KIAA1217: variants seen among roughly 807,000 people sequenced by gnomAD.
KIAA1217 encodes the protein KIAA1217.
In KIAA1217, 88 loss-of-function variants were observed where a neutral mutation model predicts 163.9. That is an observed-to-expected ratio of 0.54 (90% CI 0.45 to 0.64). The LOEUF (loss-of-function observed/expected upper bound fraction) is 0.64, where lower values mean the gene tolerates loss of function less well. Among genes scored for constraint, KIAA1217 ranks in the 30% least tolerant of loss-of-function variants. The pLI, the probability that KIAA1217 is intolerant of heterozygous loss-of-function variation, is 0.00. For synonymous variants in KIAA1217, 903 were observed against 923.1 expected (o/e 0.98, Z 0.39); for missense variants, 2,372 against 2,475.0 (o/e 0.96, Z 0.88).
chr10:23,873,780 A>C, intron 1 of KIAA1217, among the ~76,000 whole-genome samples: 1 of 151,916 alleles, frequency 6.6e-6, no homozygotes, highest in Admixed American at 6.6e-5. Flanking sequence ...ACTTTAGGTA[A>C]GTGCAGAGTA....
chr10:24,543,498 G>C lies in KIAA1217; in HGVS notation c.4228G>C (p.Asp1410His). The C allele has an allele frequency of 6.2e-7, 1 of 1,614,112 alleles. No homozygotes were observed. Among genetic ancestry groups the C allele is most frequent in the East Asian group, 2.2e-5 (1 of 44,880 alleles). The change falls in exon 19 of 21, where the codon GAC (aspartate) becomes CAC (histidine). Residue 1410 changes from aspartate to histidine, a missense_variant. By Grantham distance (81) the Asp-to-His change is moderately conservative. This residue lies in a region of KIAA1217 where 690 missense variants were observed against 677.5 expected (regional missense o/e 1.02). Transcript: ENST00000376454. ...VHDIVSQKGE[D>H]IQTVNIDARK... is the part of the protein sequence containing the mutation. ...TGATATTGTTAGCCAAAAGGGAGAA[G>C]ACATACAGACGGTTAATATCGATGC... is the stretch of plus-strand genomic sequence containing the variant.
chr10:24,348,271 G>C (rs1026638863), intron 2 of KIAA1217, among the ~76,000 whole-genome samples: 6 of 152,120 alleles, frequency 3.9e-5, no homozygotes, highest in Admixed American at 2.0e-4. Flanking sequence ...CTGGGAGGCA[G>C]AAGTTGCAGT....
chr10:24,405,653 G>T (rs1351689394), intron 3 of KIAA1217, among the ~76,000 whole-genome samples: 1 of 152,160 alleles, frequency 6.6e-6, no homozygotes, highest in African/African-American at 2.4e-5. Flanking sequence ...CATTTACTGA[G>T]CATCTGCCCT....
intron 1 of KIAA1217, among the ~76,000 whole-genome samples, chr10:23,845,623 C>G (rs1838988944): frequency 6.6e-6 from 1 of 152,024 alleles, no homozygotes; most frequent in South Asian, 2.1e-4. Flanking sequence ...TTTGTAGATT[C>G]TGGATATTAG....
chr10:24,368,816 C>A (rs754064671), intron 2 of KIAA1217: 1 of 981,732 alleles, frequency 1.0e-6, no homozygotes, highest in South Asian at 4.7e-5. Flanking sequence ...TCTAGAATCA[C>A]CCTACTGAGA....
In KIAA1217 at chr10:24,473,476, C is replaced by T. The variant is rs766384876; in HGVS notation, c.1095C>T (p.Ser365=). Reference sequence around the variant, plus strand: ...CCAGACCCATCTCTCCAAGCCCAAGCGCCATTTTAGAAAGAAGAGATGTCA... The same window carrying T: ...CCAGACCCATCTCTCCAAGCCCAAGTGCCATTTTAGAAAGAAGAGATGTCA... The part of the protein sequence containing the change: ...PVSRPISPSP[S]AILERRDVKP... The change falls in exon 6 of 21, where the codon AGC becomes AGT. Residue 365 remains serine, a synonymous_variant. Coordinates refer to ENST00000376454, the MANE Select transcript of KIAA1217 (RefSeq NM_019590.5). The T allele has an allele frequency of 3.0e-5, 48 of 1,614,012 alleles. No homozygotes were observed. The highest frequency in any genetic ancestry group is 1.1e-4 in the East Asian group (5 of 44,888).
intron 2 of KIAA1217, among the ~76,000 whole-genome samples, chr10:24,321,910 T>C (rs191387134): frequency 9.0e-4 from 137 of 152,124 alleles, no homozygotes; most frequent in African/African-American, 3.1e-3. Flanking sequence ...AATGGCTAGG[T>C]TGGTACATTT....
intron 3 of KIAA1217, among the ~76,000 whole-genome samples, chr10:24,388,042 T>G (rs1489317723): frequency 6.6e-6 from 1 of 152,146 alleles, no homozygotes; most frequent in Non-Finnish European, 1.5e-5. Flanking sequence ...TTCACAGAAT[T>G]GGAAAAGACT....
intron 8 of KIAA1217, among the ~76,000 whole-genome samples, chr10:24,499,733 C>CA (rs1035200221): frequency 2.0e-5 from 3 of 151,622 alleles, no homozygotes; most frequent in African/African-American, 4.8e-5. Flanking sequence ...GACTCTGTCT[C>CA]AAAAAAAAGA....
chr10:24,231,626 A>C (rs1158578923), intron 2 of KIAA1217, among the ~76,000 whole-genome samples: 1 of 152,198 alleles, frequency 6.6e-6, no homozygotes, highest in Admixed American at 6.5e-5. Context: ...GTGGTCAATG[A>C]TCAGGAACAA....
intron 1 of KIAA1217, among the ~76,000 whole-genome samples, chr10:23,729,176 T>C (rs7090032): frequency 0.22 from 33,224 of 152,116 alleles, 3,878 homozygotes; most frequent in Middle Eastern, 0.29. Flanking sequence ...GGATGTACCA[T>C]AGTTTACTTA....
At chr10:23,776,635 T>C (rs952999346) in intron 1 of KIAA1217, among the ~76,000 whole-genome samples, 1 of 151,224 alleles carries the variant, frequency 6.6e-6, no homozygotes, top group Non-Finnish European at 1.5e-5. Context: ...AAAAAATACA[T>C]TGGAATTACT....
At chr10:24,102,914 C>T (rs1295698350) in intron 2 of KIAA1217, among the ~76,000 whole-genome samples, 2 of 152,058 alleles carry the variant, frequency 1.3e-5, no homozygotes, top group South Asian at 2.1e-4. Context: ...GGGTTTTTCC[C>T]GTACTGTGCT....
chr10:24,449,100 G>T (rs1257227127), intron 5 of KIAA1217, among the ~76,000 whole-genome samples: 2 of 152,158 alleles, frequency 1.3e-5, no homozygotes, highest in Non-Finnish European at 2.9e-5. Flanking sequence ...TGTTATGATT[G>T]ATAAGGAAGG....
At chr10:24,191,031 A>G (rs1304506142) in intron 2 of KIAA1217, among the ~76,000 whole-genome samples, 1 of 152,060 alleles carries the variant, frequency 6.6e-6, no homozygotes, top group Non-Finnish European at 1.5e-5. Context: ...CCATCTGTAT[A>G]CAAAATACAA....
chr10:23,916,697 G>A (rs777034207), intron 1 of KIAA1217, among the ~76,000 whole-genome samples: 8 of 152,136 alleles, frequency 5.3e-5, no homozygotes, highest in African/African-American at 1.9e-4. Context: ...TGGCTGGCAG[G>A]GCGCAGTGGC....
Position 24,279,397 on chromosome 10 carries a change from A to G in KIAA1217, c.354+59488A>G, listed in dbSNP as rs367812604. On this transcript the variant is annotated intron_variant, in intron 2 of 20. Coordinates refer to ENST00000376454, the MANE Select transcript of KIAA1217 (RefSeq NM_019590.5). ...GATGGCATCTGACTCAGTCATAACT[A>G]TCTTTAATACATCATTATAAAATCT... 1.4e-3 allele frequency among the ~76,000 whole-genome samples: 206 copies of G among 152,088 alleles called. 2 individuals are homozygous for G. The highest frequency in any genetic ancestry group is 4.4e-3 in the African/African-American group (182 of 41,500).
chr10:24,460,482 A>G (rs1019721895), intron 5 of KIAA1217, among the ~76,000 whole-genome samples: 4 of 152,052 alleles, frequency 2.6e-5, no homozygotes, highest in African/African-American at 9.7e-5. Flanking sequence ...TTTCATGTTT[A>G]TTTTGAGGAA....
At chr10:24,272,430 G>GGCATCAT (rs2076862797) in intron 2 of KIAA1217, among the ~76,000 whole-genome samples, 1 of 152,124 alleles carries the variant, frequency 6.6e-6, no homozygotes, top group Admixed American at 6.5e-5. Context: ...TTTTCATTCA[G>GGCATCAT]TTCTAAAACT....
Sources: allele counts gnomAD v4.1 joint callset (sites outside exome capture counted in the v4.1 genomes callset), GRCh38; gene constraint gnomAD v4.1.1; regional missense constraint gnomAD v4.1.1; transcripts MANE v1.5; gene names NCBI Gene and HGNC (gene_info 2026-07-23, HGNC 2026-07-21).